Variants in ZZZ3 observed in about 807,000 individuals in gnomAD.
ZZZ3 encodes the protein zinc finger ZZ-type containing 3.
Under a neutral mutation model 95.2 loss-of-function variants are expected in ZZZ3, and 22 were observed. The observed-to-expected ratio is 0.23, with a 90% confidence interval of 0.17 to 0.33. The LOEUF (loss-of-function observed/expected upper bound fraction) is 0.33, where lower values mean the gene tolerates loss of function less well. Among genes scored for constraint, ZZZ3 ranks in the 10% least tolerant of loss-of-function variants. The probability of loss-of-function intolerance (pLI) is 1.00; values close to 1 mark genes in which losing one functional copy is unlikely to be tolerated. For synonymous variants in ZZZ3, 335 were observed against 358.9 expected, an observed-to-expected ratio of 0.93 and a Z score of 0.75; for missense variants, 885 against 1,066.5, an observed-to-expected ratio of 0.83 and a Z score of 2.37.
chr1:77,624,992 G>A (rs1430212397), intron 5 of ZZZ3, among the ~76,000 whole-genome samples: 1 of 152,200 alleles, frequency 6.6e-6, no homozygotes, highest in Admixed American at 6.5e-5. Flanking sequence ...TTGAGTGTGA[G>A]TAGAGAGAAA....
chr1:77,592,036 G>A (rs995350808), intron 5 of ZZZ3, among the ~76,000 whole-genome samples: 5 of 152,002 alleles, frequency 3.3e-5, no homozygotes, highest in African/African-American at 7.3e-5. Context: ...ATTAAGCTGG[G>A]ACCCTATCCC....
Position 77,578,842 on chromosome 1 carries a change from T to C in ZZZ3, c.2110A>G (p.Ile704Val). ...GGAATGCCAGCTTTAGTTAGCTTTA[T>C]GAAATACTTCTGTACTCGGCTGGCA... ...QVASRVQKYF[I>V]KLTKAGIPVP... The change falls in exon 11 of 15, where the codon ATA becomes GTA. Residue 704 changes from isoleucine to valine, a missense_variant. By Grantham distance (29) the Ile-to-Val change is conservative. Transcript: ENST00000370801. 3 of 1,578,594 alleles carry C rather than the reference T, an allele frequency of 1.9e-6. No individual in the cohort carries two copies. The highest frequency in any genetic ancestry group is 2.6e-6 in the Non-Finnish European group (3 of 1,165,126).
chr1:77,670,828 T>C (rs1251272864), intron 1 of ZZZ3, among the ~76,000 whole-genome samples: 12 of 151,450 alleles, frequency 7.9e-5, no homozygotes, highest in Non-Finnish European at 7.4e-5. Flanking sequence ...CGGGTATGCA[T>C]GATAAAAACT....
At chr1:77,600,032 T>C (rs1198263932) in intron 5 of ZZZ3, among the ~76,000 whole-genome samples, 1 of 152,082 alleles carries the variant, frequency 6.6e-6, no homozygotes, top group Non-Finnish European at 1.5e-5. Flanking sequence ...TCTATTACAA[T>C]GGTTACCAGG....
At chr1:77,602,602 A>ATTTTTTTTTTTTTTTTTTTTTTTTTTTT (rs33915566) in intron 5 of ZZZ3, among the ~76,000 whole-genome samples, 2 of 117,964 alleles carry the variant, frequency 1.7e-5, no homozygotes, top group African/African-American at 3.2e-5. Flanking sequence ...ATTTTTACTG[A>ATTTTTTTTTTTTTTTTTTTTTTTTTTTT]TTTTTTTTTT....
At chr1:77,640,380 C>G (rs1268296253) in intron 3 of ZZZ3, among the ~76,000 whole-genome samples, 2 of 152,020 alleles carry the variant, frequency 1.3e-5, no homozygotes, top group African/African-American at 4.8e-5. Flanking sequence ...ACAGGTGGAT[C>G]ACAAGGTCAG....
intron 1 of ZZZ3, among the ~76,000 whole-genome samples, chr1:77,673,958 T>A (rs1171103581): frequency 1.3e-5 from 2 of 151,238 alleles, no homozygotes; most frequent in Non-Finnish European, 2.9e-5. Context: ...AAAAAGCCAT[T>A]AGCTGGCCAG....
intron 1 of ZZZ3, among the ~76,000 whole-genome samples, chr1:77,650,156 G>A (rs1669673065): frequency 6.6e-6 from 1 of 151,806 alleles, no homozygotes; most frequent in Non-Finnish European, 1.5e-5. Context: ...GCTAACAAAA[G>A]AAACAAAATG....
At chr1:77,599,955 T>C (rs895827243) in intron 5 of ZZZ3, among the ~76,000 whole-genome samples, 5 of 152,270 alleles carry the variant, frequency 3.3e-5, no homozygotes, top group African/African-American at 1.2e-4. Flanking sequence ...GTGTTTCAGA[T>C]GTTATTTTCT....
chr1:77,674,255 G>A (rs1672053712), intron 1 of ZZZ3, among the ~76,000 whole-genome samples: 1 of 152,272 alleles, frequency 6.6e-6, no homozygotes, highest in South Asian at 2.1e-4. Flanking sequence ...ATCAGGTTGA[G>A]TTATAGGATT....
chr1:77,566,696 A>G (rs930460914), intron 13 of ZZZ3, among the ~76,000 whole-genome samples: 1 of 152,222 alleles, frequency 6.6e-6, no homozygotes, highest in African/African-American at 2.4e-5. Flanking sequence ...CAACAATGAA[A>G]TTCTGTCTAA....
chr1:77,660,472 T>C (rs1487315652), intron 1 of ZZZ3, among the ~76,000 whole-genome samples: 2 of 152,218 alleles, frequency 1.3e-5, no homozygotes, highest in African/African-American at 4.8e-5. Flanking sequence ...TGTGGAAACA[T>C]ACAGTATCTT....
Position 77,632,794 on chromosome 1 carries a change from T to A in ZZZ3, c.561A>T (p.Pro187=). ...TTTCTTCAACTACTGCAGAATTAAG[T>A]GGCCCTTCCTCACTGACATTCACCT... ...IKKVNVSEEG[P]LNSAVVEEIT... is the part of the protein sequence containing the mutation. The change falls in exon 5 of 15, where the codon CCA becomes CCT. Residue 187 remains proline, a synonymous_variant. Transcript: ENST00000370801. The A allele has an allele frequency of 6.2e-7, 1 of 1,614,202 alleles. No individual in the cohort carries two copies. The highest frequency in any genetic ancestry group is 8.5e-7 in the Non-Finnish European group (1 of 1,180,032).
intron 1 of ZZZ3, among the ~76,000 whole-genome samples, chr1:77,655,258 G>A (rs1490755658): frequency 6.6e-6 from 1 of 152,168 alleles, no homozygotes; most frequent in Non-Finnish European, 1.5e-5. Flanking sequence ...GTGCCACACT[G>A]GGGATTAAGT....
intron 1 of ZZZ3, among the ~76,000 whole-genome samples, chr1:77,666,664 GCAT>G (rs1183223874): frequency 1.3e-5 from 2 of 152,084 alleles, no homozygotes; most frequent in Non-Finnish European, 2.9e-5. Context: ...CATGAACTAG[GCAT>G]CATTCCAGGC....
At chr1:77,622,494 T>TACTAGAA (rs1169855009) in intron 5 of ZZZ3, among the ~76,000 whole-genome samples, 1 of 151,844 alleles carries the variant, frequency 6.6e-6, no homozygotes, top group Non-Finnish European at 1.5e-5. Flanking sequence ...GAAAACCATC[T>TACTAGAA]ACTAGAAACT....
intron 14 of ZZZ3, 54 bp downstream of exon 14, chr1:77,566,027 T>G (rs1195543442): frequency 1.1e-5 from 15 of 1,390,166 alleles, no homozygotes; most frequent in Non-Finnish European, 2.0e-6. Flanking sequence ...CACTAATGGC[T>G]GAGAAGCTCT....
Position 77,573,052 on chromosome 1 carries a change from A to ACT in ZZZ3, c.2331+3014_2331+3015dup, listed in dbSNP as rs139269050. Among the ~76,000 whole-genome samples, 1,304 of 151,758 alleles carry ACT rather than the reference A, an allele frequency of 8.6e-3. 43 individuals are homozygous for ACT. In the East Asian group the frequency reaches 0.11, roughly 13 times the overall value. ...TCACCCTCTCAGGTCTTCCACTGAA[A>ACT]CTCTCAATCTAAATTAAGTACCTCT... On this transcript the variant is annotated intron_variant, in intron 12 of 14. Transcript: ENST00000370801.
chr1:77,645,208 A>G (rs1351298231), intron 1 of ZZZ3: 1 of 152,246 alleles, frequency 6.6e-6, no homozygotes, highest in Non-Finnish European at 1.5e-5. Flanking sequence ...AGCCTGGGCA[A>G]CCAAGTGAAG....
Sources: allele counts gnomAD v4.1 joint callset (sites outside exome capture counted in the v4.1 genomes callset), GRCh38; gene constraint gnomAD v4.1.1; transcripts MANE v1.5; gene names NCBI Gene and HGNC (gene_info 2026-07-23, HGNC 2026-07-21).